Variants in PSTPIP2 observed in about 807,000 individuals in gnomAD.
PSTPIP2 encodes proline-serine-threonine phosphatase-interacting protein 2.
A neutral mutation model predicts 63.3 loss-of-function variants in PSTPIP2; 33 were observed. That is an observed-to-expected ratio of 0.52 (90% CI 0.40 to 0.70). PSTPIP2 has a LOEUF of 0.70. PSTPIP2 is among the 30% of genes least tolerant of loss of function. PSTPIP2 has a pLI of 0.00. For synonymous variants in PSTPIP2, 125 were observed against 132.7 expected, an observed-to-expected ratio of 0.94 and a Z score of 0.40; for missense variants, 312 against 400.7, an observed-to-expected ratio of 0.78 and a Z score of 1.89.
In PSTPIP2 at chr18:46,024,593, A is replaced by C. The variant is rs370676003; in HGVS notation, c.212+16T>G. ...TATTAACCAACCTGGAAACCAGAAA[A>C]AAACTTGATACATACTTGATTTCAG... On this transcript the variant is annotated intron_variant, in intron 3 of 14. Transcript: ENST00000409746. 1 of 1,609,846 alleles carries C rather than the reference A, an allele frequency of 6.2e-7. No individual in the cohort carries two copies. The highest frequency in any genetic ancestry group is 1.3e-5 in the African/African-American group (1 of 74,832).
chr18:46,060,132 T>C (rs1908937733), intron 1 of PSTPIP2, among the ~76,000 whole-genome samples: 1 of 152,216 alleles, frequency 6.6e-6, no homozygotes, highest in Admixed American at 6.5e-5. Flanking sequence ...GGTGTTTGTT[T>C]TAAATCGTCA....
intron 2 of PSTPIP2, among the ~76,000 whole-genome samples, chr18:46,024,904 C>T (rs185583940): frequency 1.3e-5 from 2 of 152,274 alleles, no homozygotes; most frequent in Admixed American, 6.5e-5. Context: ...AGCTGGAAGT[C>T]CCTAACATGG....
At chr18:46,051,432 G>A (rs776667159) in intron 1 of PSTPIP2, among the ~76,000 whole-genome samples, 13 of 151,744 alleles carry the variant, frequency 8.6e-5, no homozygotes, top group Non-Finnish European at 1.3e-4. Context: ...CCAAGATCGC[G>A]CCACTGCACT....
chr18:45,992,723 T>C (rs1373111672), intron 10 of PSTPIP2, among the ~76,000 whole-genome samples: 1 of 151,450 alleles, frequency 6.6e-6, no homozygotes, highest in Non-Finnish European at 1.5e-5. Context: ...TTTTTTATTT[T>C]ATTATTTTTT....
chr18:46,046,906 A>C (rs1271159583), intron 1 of PSTPIP2, among the ~76,000 whole-genome samples: 2 of 152,264 alleles, frequency 1.3e-5, no homozygotes, highest in East Asian at 3.8e-4. Flanking sequence ...GTGCCTGGGC[A>C]CAGGGTGCAT....
chr18:46,049,841 C>G (rs780190802), intron 1 of PSTPIP2, among the ~76,000 whole-genome samples: 4 of 152,002 alleles, frequency 2.6e-5, no homozygotes, highest in Admixed American at 2.6e-4. Context: ...GATCACGCCA[C>G]GGCACTCCAG....
intron 5 of PSTPIP2, among the ~76,000 whole-genome samples, chr18:46,005,958 C>T (rs1336673245): frequency 6.6e-6 from 1 of 152,192 alleles, no homozygotes; most frequent in Non-Finnish European, 1.5e-5. Context: ...TGCAGCCCAT[C>T]AGTGACACAT....
chr18:46,044,213 G>A (rs1384062971), intron 1 of PSTPIP2, among the ~76,000 whole-genome samples: 1 of 152,126 alleles, frequency 6.6e-6, no homozygotes, highest in Non-Finnish European at 1.5e-5. Flanking sequence ...TCAATCCTAA[G>A]CCAAAAGAAC....
rs756384731 is a variant in PSTPIP2, at chr18:46,006,360, C to CTTTTTTTTTTTTTTTTTTTTTTTTTTTTT, written c.355-830_355-829insAAAAAAAAAAAAAAAAAAAAAAAAAAAAA. Among the ~76,000 whole-genome samples the CTTTTTTTTTTTTTTTTTTTTTTTTTTTTT allele has an allele frequency of 1.7e-5, 2 of 115,628 alleles. 1 individual carries two copies. The highest frequency in any genetic ancestry group is 7.4e-5 in the African/African-American group (2 of 27,084). 75.9% of individuals were successfully genotyped at this position (115,628 alleles called of 152,430 possible). A position where few individuals can be genotyped will look rare whatever the true frequency, so the allele number is the denominator to read the frequency against. On this transcript the variant is annotated intron_variant, in intron 5 of 14. Coordinates refer to ENST00000409746, the MANE Select transcript of PSTPIP2 (RefSeq NM_024430.4). ...TGAGCCACCATGCCCAGCCCTGGTA[C>CTTTTTTTTTTTTTTTTTTTTTTTTTTTTT]TTTTTTTTTTTTTTTTTTTTTTTTT...
At chr18:46,071,995 G>C (rs1047027528) in intron 1 of PSTPIP2, among the ~76,000 whole-genome samples, 161 bp downstream of exon 1, 1 of 152,188 alleles carries the variant, frequency 6.6e-6, no homozygotes, top group Admixed American at 6.5e-5. Context: ...CGAGCAGTGG[G>C]GCTGGGGCCC....
At chr18:46,016,041 AACT>A in intron 3 of PSTPIP2, 104 bp from the exon 4 acceptor site, 1 of 1,350,728 alleles carries the variant, frequency 7.4e-7, no homozygotes, top group South Asian at 1.3e-5. Flanking sequence ...TTAACTTAGA[AACT>A]ACAGACCAAT....
chr18:46,027,376 A>G (rs1053735911), intron 2 of PSTPIP2, among the ~76,000 whole-genome samples: 1 of 151,614 alleles, frequency 6.6e-6, no homozygotes. Flanking sequence ...AAAGAATAAG[A>G]CCATATGCCA....
chr18:45,995,470 A>G (rs554377102), intron 9 of PSTPIP2, among the ~76,000 whole-genome samples: 1 of 152,280 alleles, frequency 6.6e-6, no homozygotes, highest in African/African-American at 2.4e-5. Flanking sequence ...ATGTTTTTAA[A>G]CCTTATTAAA....
chr18:46,057,250 A>T (rs1232193006), intron 1 of PSTPIP2, among the ~76,000 whole-genome samples: 1 of 152,002 alleles, frequency 6.6e-6, no homozygotes, highest in African/African-American at 2.4e-5. Context: ...CAGAGAAAAG[A>T]TTGCTTGGTC....
chr18:46,017,098 AG>A (rs1264256957), intron 3 of PSTPIP2, among the ~76,000 whole-genome samples: 1 of 152,166 alleles, frequency 6.6e-6, no homozygotes, highest in Admixed American at 6.5e-5. Flanking sequence ...ATCTGCTCAT[AG>A]TTAACTCTAA....
rs35558747 is a variant in PSTPIP2, at chr18:46,067,027, CAAA to C, written c.33+5126_33+5128del. 1.1e-3 allele frequency among the ~76,000 whole-genome samples: 149 copies of C among 130,052 alleles called. 1 individual carries two copies. The highest frequency in any genetic ancestry group is 5.7e-3 in the East Asian group (23 of 4,024). 85.3% of individuals were successfully genotyped at this position (130,052 alleles called of 152,430 possible). On this transcript the variant is annotated intron_variant, in intron 1 of 14. Transcript: ENST00000409746. ...GGGCAACAAAAGTGAAACTCCATCT[CAAA>C]AAAAAAAAAAAAAAGAGGTTTTTGA...
At chr18:46,011,414 T>A (rs2051795527) in intron 4 of PSTPIP2, 127 bp from the exon 5 acceptor site, 1 of 730,968 alleles carries the variant, frequency 1.4e-6, no homozygotes, top group Admixed American at 2.5e-5. Context: ...ATCACTTCAT[T>A]TGGTCACCAA....
chr18:46,032,169 C>G (rs1432138545), intron 2 of PSTPIP2, among the ~76,000 whole-genome samples: 1 of 152,166 alleles, frequency 6.6e-6, no homozygotes, highest in East Asian at 1.9e-4. Context: ...TGCCAGGCAT[C>G]GTACTAGGTG....
Position 46,040,007 on chromosome 18 carries a change from A to C in PSTPIP2, c.74T>G (p.Ile25Ser). 2 of 1,613,506 alleles carry C rather than the reference A, an allele frequency of 1.2e-6. No individual in the cohort carries two copies. The highest frequency in any genetic ancestry group is 1.7e-6 in the Non-Finnish European group (2 of 1,179,656). Residue 25 changes from isoleucine to serine, a missense_variant, in exon 2 of 15, where the codon ATC becomes AGC. Physicochemically the swap from Ile to Ser is moderately radical, Grantham distance 142 (BLOSUM62 -2). Transcript: ENST00000409746. ...ILSTIGYDNI[I>S]QHLNNGRKNC... Reference sequence around the variant, plus strand: ...CTTGCGGCCATTGTTCAGATGTTGGATAATGTTGTCATAGCCGATGGTGCT... The same window carrying C: ...CTTGCGGCCATTGTTCAGATGTTGGCTAATGTTGTCATAGCCGATGGTGCT...
Sources: gnomAD v4.1 joint callset for allele counts (sites outside exome capture counted in the v4.1 genomes callset) on GRCh38, gnomAD v4.1.1 for gene constraint, MANE v1.5 for transcripts, NCBI Gene and HGNC (gene_info 2026-07-23, HGNC 2026-07-21) for gene names.